Variants in AFTPH observed in about 807,000 individuals in gnomAD.
AFTPH encodes aftiphilin.
AFTPH carries 7 observed loss-of-function variants against 72.5 expected under a neutral mutation model. The ratio of observed to expected loss-of-function variants is 0.10; its 90% CI spans 0.05 to 0.18. The LOEUF (loss-of-function observed/expected upper bound fraction) is 0.18. Ranked by LOEUF, AFTPH falls within the 10% of genes least tolerant of loss-of-function variation. The pLI, the probability that AFTPH is intolerant of heterozygous loss-of-function variation, is 1.00. For missense variants in AFTPH, 979 were observed against 1,060.5 expected (o/e 0.92, Z 1.07); for synonymous variants, 337 against 370.1 (o/e 0.91, Z 1.03).
At chr2:64,554,268 T>C (rs1671228648) in intron 2 of AFTPH, among the ~76,000 whole-genome samples, 1 of 152,162 alleles carries the variant, frequency 6.6e-6, no homozygotes, top group African/African-American at 2.4e-5. Context: ...CCCCTAGAGG[T>C]GTAGCTTGAT....
rs181438408 is a variant in AFTPH, at chr2:64,572,902, C to T, written c.2272-44C>T. 253 of 1,604,802 alleles carry T rather than the reference C, an allele frequency of 1.6e-4. No homozygotes were observed. The African/African-American group carries it at 3.1e-3, about 20-fold the overall frequency. ...TGATAGATTAACTTAAGTTTATGGG[C>T]TGTGCACCCCCATCCCCATTAAAGG... On this transcript the variant is annotated intron_variant, in intron 5 of 8. Transcript: ENST00000238856.
At chr2:64,584,848 G>A (rs1209496548) in intron 7 of AFTPH, among the ~76,000 whole-genome samples, 1 of 152,088 alleles carries the variant, frequency 6.6e-6, no homozygotes, top group East Asian at 1.9e-4. Context: ...TGCCCGCCTC[G>A]GCCTCCCAAA....
At chr2:64,549,482 G>A (rs7589287) in intron 1 of AFTPH, among the ~76,000 whole-genome samples, 4 of 148,416 alleles carry the variant, frequency 2.7e-5, no homozygotes, top group Admixed American at 6.7e-5. Context: ...CACCACGCCC[G>A]GCTAATTTTT....
chr2:64,585,292 G>A, intron 7 of AFTPH, 130 bp from the exon 9 acceptor site: 7 of 1,144,334 alleles, frequency 6.1e-6, no homozygotes, highest in Non-Finnish European at 8.9e-6. Flanking sequence ...GTATTGCAGT[G>A]TTCTAAAGAT....
intron 1 of AFTPH, among the ~76,000 whole-genome samples, chr2:64,542,952 T>C (rs1418234068): frequency 6.6e-6 from 1 of 152,234 alleles, no homozygotes; most frequent in African/African-American, 2.4e-5. Context: ...AGGTCTGGTA[T>C]AGTTTTAGTA....
intron 1 of AFTPH, among the ~76,000 whole-genome samples, chr2:64,541,306 A>G (rs1670239086): frequency 6.6e-6 from 1 of 152,140 alleles, no homozygotes; most frequent in Non-Finnish European, 1.5e-5. Context: ...CATATTATGC[A>G]GTTGGTGACT....
chr2:64,524,881 C>T (rs60538586), intron 1 of AFTPH, among the ~76,000 whole-genome samples: 16,768 of 152,278 alleles, frequency 0.11, 2,557 homozygotes, highest in African/African-American at 0.33. Flanking sequence ...GGGAGTCCTT[C>T]CCTCCCCGGC....
chr2:64,588,219 T>G (rs757724398), intron 8 of AFTPH, among the ~76,000 whole-genome samples: 3 of 152,250 alleles, frequency 2.0e-5, no homozygotes, highest in Non-Finnish European at 4.4e-5. Flanking sequence ...TGCAGCCTTT[T>G]GTGTCTCGGT....
intron 1 of AFTPH, among the ~76,000 whole-genome samples, chr2:64,531,196 G>A (rs1446973284): frequency 6.6e-6 from 1 of 151,826 alleles, no homozygotes; most frequent in African/African-American, 2.4e-5. Context: ...TCATAGAAGA[G>A]CATCTTGGTG....
chr2:64,547,714 C>T (rs2103906024), intron 1 of AFTPH, among the ~76,000 whole-genome samples: 1 of 138,316 alleles, frequency 7.2e-6, no homozygotes, highest in South Asian at 2.4e-4. Context: ...TAGTTAGTAG[C>T]AGCCCTTTCA....
intron 6 of AFTPH, among the ~76,000 whole-genome samples, chr2:64,575,747 A>ATTTTT (rs201920735): frequency 1.8e-5 from 2 of 109,812 alleles, no homozygotes; most frequent in African/African-American, 6.4e-5. Flanking sequence ...GTGTGTATAT[A>ATTTTT]TTTTTTTTGG....
In AFTPH at chr2:64,550,677, G is replaced by GCACACACACACACACA. The variant is rs56139158; in HGVS notation, c.-32-727_-32-712dup. Among the ~76,000 whole-genome samples, 47 of 130,232 alleles carry GCACACACACACACACA rather than the reference G, an allele frequency of 3.6e-4. 2 individuals are homozygous for GCACACACACACACACA. Among genetic ancestry groups the GCACACACACACACACA allele is most frequent in the East Asian group, 7.0e-4 (3 of 4,314 alleles). The allele number at this position is 130,232 out of a possible 152,430, so 85.4% of individuals were successfully genotyped here. ...ATAAAATTTTTAGAACTGTACGCAT[G>GCACACACACACACACA]CACACACACACACACACACACACAC... is the stretch of plus-strand genomic sequence containing the variant. On this transcript the variant is annotated intron_variant, in intron 1 of 8. Coordinates refer to ENST00000238856, the Ensembl canonical transcript of AFTPH.
chr2:64,527,366 A>G (rs1325396242), intron 1 of AFTPH, among the ~76,000 whole-genome samples: 1 of 152,202 alleles, frequency 6.6e-6, no homozygotes, highest in Non-Finnish European at 1.5e-5. Context: ...AGATCACCTG[A>G]GGTCGGGAGT....
At chr2:64,576,535 C>G (rs1192333257) in intron 6 of AFTPH, among the ~76,000 whole-genome samples, 4 of 152,018 alleles carry the variant, frequency 2.6e-5, no homozygotes, top group Non-Finnish European at 5.9e-5. Context: ...TCATTTTTAT[C>G]TGCTGAATTT....
chr2:64,552,286 A>C (rs1260531599), exon 2 of AFTPH: 1 of 1,614,134 alleles, frequency 6.2e-7, no homozygotes, highest in African/African-American at 1.3e-5. Flanking sequence ...AATAGAGTCA[A>C]TGAACTGAAT....
chr2:64,542,358 C>T (rs1429433956), intron 1 of AFTPH, among the ~76,000 whole-genome samples: 2 of 152,090 alleles, frequency 1.3e-5, no homozygotes, highest in Non-Finnish European at 2.9e-5. Flanking sequence ...GTAGGGAATA[C>T]CCTATATATT....
intron 1 of AFTPH, among the ~76,000 whole-genome samples, chr2:64,545,971 C>T (rs560898706): frequency 3.3e-5 from 5 of 152,172 alleles, no homozygotes; most frequent in African/African-American, 1.2e-4. Context: ...CGTCTCACTG[C>T]AACCTCTGCC....
chr2:64,571,834 TTTGAG>T (rs1367626506), intron 5 of AFTPH, among the ~76,000 whole-genome samples: 1 of 152,198 alleles, frequency 6.6e-6, no homozygotes, highest in African/African-American at 2.4e-5. Context: ...TATGGCCCAT[TTTGAG>T]TTTGGTAGAG....
chr2:64,590,027 C>T (rs1380341436), intron 8 of AFTPH, among the ~76,000 whole-genome samples: 1 of 150,704 alleles, frequency 6.6e-6, no homozygotes, highest in East Asian at 2.0e-4. Flanking sequence ...TAGTCTTAGT[C>T]AGTGATCTCT....
Sources: gnomAD v4.1 joint callset for allele counts (sites outside exome capture counted in the v4.1 genomes callset) on GRCh38, gnomAD v4.1.1 for gene constraint, MANE v1.5 for transcripts, NCBI Gene and HGNC (gene_info 2026-07-23, HGNC 2026-07-21) for gene names.